AAAS: variants seen among roughly 807,000 people sequenced by gnomAD.
The protein encoded by AAAS is aladin WD repeat nucleoporin.
Under a neutral mutation model 75.6 loss-of-function variants are expected in AAAS, and 60 were observed. The observed-to-expected ratio is 0.79, with a 90% confidence interval of 0.64 to 0.98. The LOEUF is 0.98. AAAS is among the 50% of genes least tolerant of loss of function. The pLI, the probability that AAAS is intolerant of heterozygous loss-of-function variation, is 0.00. For synonymous variants in AAAS, 271 were observed against 265.0 expected, an observed-to-expected ratio of 1.02 and a Z score of -0.22; for missense variants, 658 against 686.9, an observed-to-expected ratio of 0.96 and a Z score of 0.47.
At chr12:53,312,500 G>A (rs1409831981) in intron 7 of AAAS, among the ~76,000 whole-genome samples, 1 of 151,398 alleles carries the variant, frequency 6.6e-6, no homozygotes, top group African/African-American at 2.4e-5. Context: ...GGGAGGCTGA[G>A]GTTGCAGTGA....
intron 8 of AAAS, 64 bp from the exon 9 acceptor site, chr12:53,309,345 CCTCT>C: frequency 6.2e-7 from 1 of 1,607,422 alleles, no homozygotes; most frequent in Non-Finnish European, 8.5e-7. Context: ...AGTGGGCTGG[CCTCT>C]CTAATGTACA....
In AAAS at chr12:53,307,720, A is replaced by G. The variant is rs1224851105; in HGVS notation, c.1417-7T>C. 1 of 1,613,918 alleles carries G rather than the reference A, an allele frequency of 6.2e-7. No homozygotes were observed. The highest frequency in any genetic ancestry group is 1.3e-5 in the African/African-American group (1 of 74,934). On this transcript the variant is annotated splice_region_variant and splice_polypyrimidine_tract_variant and intron_variant, in intron 15 of 15. Transcript: ENST00000209873. ...TTCGGCCTGTGGACCAGCCCTGCAG[A>G]GAAGGGAAAGAAAAGGATCAGAGTC...
At chr12:53,311,943 G>GT (rs1315516928) in intron 7 of AAAS, among the ~76,000 whole-genome samples, 9 of 151,878 alleles carry the variant, frequency 5.9e-5, no homozygotes, top group Non-Finnish European at 1.2e-4. Flanking sequence ...GTGATCACGT[G>GT]TTTTTTTCTT....
intron 8 of AAAS, 92 bp from the exon 9 acceptor site, chr12:53,309,373 G>A (rs1944350660): frequency 2.5e-5 from 40 of 1,579,856 alleles, no homozygotes; most frequent in Non-Finnish European, 3.3e-5. Flanking sequence ...AGCCAGAAAC[G>A]AGAGGAAGCG....
rs1260889386 is a variant in AAAS, at chr12:53,314,295, T to G, written c.689+3A>C. 6.2e-7 allele frequency: 1 copy of G among 1,614,134 alleles called. No individual in the cohort carries two copies. ...CAAGGTAAGGCAGGCTACTAGGACT[T>G]ACCGGGTAGACAAGGAGGTAGGGTC... On this transcript the variant is annotated splice_donor_region_variant and intron_variant, in intron 7 of 15. Coordinates refer to ENST00000209873, the MANE Select transcript of AAAS (RefSeq NM_015665.6).
chr12:53,309,589 G>C lies in AAAS; in HGVS notation c.810+12C>G, dbSNP rs371923687. On this transcript the variant is annotated intron_variant, in intron 8 of 15. Transcript: ENST00000209873. The stretch of plus-strand genomic sequence containing the variant: ...GGACTGAAATGTGCATGAGGGGCAG[G>C]GACCCACTCACCCGGATAGCAGCAT... 8.1e-6 allele frequency: 13 copies of C among 1,613,616 alleles called. No individual in the cohort carries two copies. Among genetic ancestry groups the C allele is most frequent in the South Asian group, 1.1e-5 (1 of 90,954 alleles).
At chr12:53,316,861 C>T (rs997598530) in intron 2 of AAAS, among the ~76,000 whole-genome samples, 72 of 151,452 alleles carry the variant, frequency 4.8e-4, no homozygotes, top group African/African-American at 1.7e-3. Context: ...AGGTGGATCG[C>T]CTGAGCTCAA....
rs760630667 is a variant in AAAS at position 53,315,719 on chromosome 12, ATACT to A, written c.307+4_307+7del. The A allele has an allele frequency of 3.1e-6, 5 of 1,613,384 alleles. No individual in the cohort carries two copies. Among genetic ancestry groups the A allele is most frequent in the Non-Finnish European group, 4.2e-6 (5 of 1,179,754 alleles). ...AAACTAGGGAAGGCTGGAGGGAAAA[ATACT>A]TACCCTCTTCTTCTGAGTTTGCAAT... On this transcript the variant is annotated splice_donor_5th_base_variant and intron_variant, in intron 3 of 15. Coordinates refer to ENST00000209873, the MANE Select transcript of AAAS (RefSeq NM_015665.6).
chr12:53,309,832 C>T, intron 7 of AAAS, 111 bp from the exon 8 acceptor site: 4 of 1,483,268 alleles, frequency 2.7e-6, no homozygotes, highest in Non-Finnish European at 3.7e-6. Context: ...CCACTCTGGG[C>T]TCAAATCCAG....
Position 53,315,171 on chromosome 12 carries a change from T to C in AAAS, c.400-31A>G, listed in dbSNP as rs547338053. ...AGAACAAGATAGACACAGGACACACTGGGGCAAAAGGAGTCCATCTCCTCA... is the reference window on the plus strand; with the variant it reads ...AGAACAAGATAGACACAGGACACACCGGGGCAAAAGGAGTCCATCTCCTCA... On this transcript the variant is annotated intron_variant, in intron 4 of 15. Coordinates refer to ENST00000209873, the MANE Select transcript of AAAS (RefSeq NM_015665.6). 2.5e-5 allele frequency: 40 copies of C among 1,613,834 alleles called. 1 individual carries two copies. The South Asian group carries it at 4.1e-4, about 16-fold the overall frequency.
intron 8 of AAAS, 129 bp downstream of exon 8, chr12:53,309,472 T>C: frequency 6.4e-7 from 1 of 1,554,242 alleles, no homozygotes; most frequent in Non-Finnish European, 8.8e-7. Context: ...ATGGCAAAGC[T>C]CCTCTCTGGG....
chr12:53,315,509 C>T, intron 3 of AAAS, 83 bp from the exon 4 acceptor site: 2 of 1,344,680 alleles, frequency 1.5e-6, no homozygotes, highest in Non-Finnish European at 2.1e-6. Flanking sequence ...CAAGGAAGGA[C>T]AGGCACTCCC....
At chr12:53,310,007 A>G in intron 7 of AAAS, 1 of 500,406 alleles carries the variant, frequency 2.0e-6, no homozygotes, top group Non-Finnish European at 3.6e-6. Context: ...GCAAAACCTA[A>G]CCAGTAACCT....
In AAAS at chr12:53,308,682, T is replaced by A. The variant is rs754281578; in HGVS notation, c.1087+43A>T. 1.9e-6 allele frequency: 3 copies of A among 1,610,292 alleles called. No individual in the cohort carries two copies. In the South Asian group the frequency reaches 3.3e-5, roughly 18 times the overall value. ...CTGCATCTTACCAAAGGTTGCTGCCTCCCTCTGACCACCCCAAATACTGAA... is the reference window on the plus strand; with the variant it reads ...CTGCATCTTACCAAAGGTTGCTGCCACCCTCTGACCACCCCAAATACTGAA... On this transcript the variant is annotated intron_variant, in intron 11 of 15. Transcript: ENST00000209873.
Position 53,312,109 on chromosome 12 carries a change from C to T in AAAS, c.689+2189G>A, listed in dbSNP as rs184418162. Among the ~76,000 whole-genome samples, 794 of 151,386 alleles carry T rather than the reference C, an allele frequency of 5.2e-3. 1 individual carries two copies. The highest frequency in any genetic ancestry group is 0.018 in the African/African-American group (751 of 41,230). ...CTGGGATGCTGAGGCGGGCGGATCA[C>T]GAAGTCAAGAGGAGAATCACTTGAA... On this transcript the variant is annotated intron_variant, in intron 7 of 15. Transcript: ENST00000209873.
At position 53,308,969 on chromosome 12, in the gene AAAS, C is replaced by A; in HGVS notation, c.987G>T (p.Gly329=). Reference sequence around the variant, plus strand: ...CAGAGTCCCCTCTTACCTGACAGCGCCCTGATAGAGTAGGCCACCTCTCAC... The same window carrying A: ...CAGAGTCCCCTCTTACCTGACAGCGACCTGATAGAGTAGGCCACCTCTCAC... ...WTCERWPTLS[G]RCQTGCWSPD... Residue 329 remains glycine, a synonymous_variant, in exon 10 of 16, where the codon GGG becomes GGT. Coordinates refer to ENST00000209873, the MANE Select transcript of AAAS (RefSeq NM_015665.6). The A allele has an allele frequency of 6.2e-7, 1 of 1,614,194 alleles. No homozygotes were observed. Among genetic ancestry groups the A allele is most frequent in the Non-Finnish European group, 8.5e-7 (1 of 1,180,028 alleles).
At chr12:53,314,548 A>G in intron 6 of AAAS, 107 bp from the exon 7 acceptor site, 1 of 1,502,220 alleles carries the variant, frequency 6.7e-7, no homozygotes, top group Non-Finnish European at 9.2e-7. Flanking sequence ...TGATCCATCC[A>G]GGGGCCAGGG....
At position 53,309,651 on chromosome 12, in the gene AAAS, G is replaced by C. The variant is rs750259260; in HGVS notation, c.760C>G (p.Pro254Ala). 6.2e-7 allele frequency: 1 copy of C among 1,613,560 alleles called. No individual in the cohort carries two copies. The change falls in exon 8 of 16, where the codon CCC becomes GCC. Residue 254 changes from proline (P) to alanine (A), a missense_variant. Coordinates refer to ENST00000209873, the MANE Select transcript of AAAS (RefSeq NM_015665.6). ...HTPVTSLAWA[P>A]SGGRLLSASP... ...GCTGAGAGCAGCCGCCCCCCACTGGGGGCCCAGGCCAAGCTGGTAACAGGT... is the reference window on the plus strand; with the variant it reads ...GCTGAGAGCAGCCGCCCCCCACTGGCGGCCCAGGCCAAGCTGGTAACAGGT...
Position 53,320,875 on chromosome 12 carries a change from A to C in AAAS, c.124-183T>G, listed in dbSNP as rs1592524812. On this transcript the variant is annotated intron_variant, in intron 1 of 15. Transcript: ENST00000209873. ...TCTTAGCTCCCGTATCTGTGCAACT[A>C]GAATAATATTTCATAGGGTTGCTGT... 1.0e-5 allele frequency: 7 copies of C among 678,168 alleles called. No individual in the cohort carries two copies. In the East Asian group the frequency reaches 1.9e-4, roughly 19 times the overall value. 42.0% of individuals were successfully genotyped at this position (678,168 alleles called of 1,614,324 possible).
Sources: gnomAD v4.1 joint callset for allele counts (sites outside exome capture counted in the v4.1 genomes callset) on GRCh38, gnomAD v4.1.1 for gene constraint, MANE v1.5 for transcripts, NCBI Gene and HGNC (gene_info 2026-07-23, HGNC 2026-07-21) for gene names.